ITPKB: variants seen among roughly 807,000 people sequenced by gnomAD.
ITPKB encodes inositol-trisphosphate 3-kinase B.
A neutral mutation model predicts 69.4 loss-of-function variants in ITPKB; 13 were observed. That is an observed-to-expected ratio of 0.19 (90% CI 0.12 to 0.30). The LOEUF is 0.30. Among genes scored for constraint, ITPKB ranks in the 10% least tolerant of loss-of-function variants. The pLI, the probability that ITPKB is intolerant of heterozygous loss-of-function variation, is 1.00. For synonymous variants in ITPKB, 584 were observed against 513.7 expected (o/e 1.14, Z -1.85); for missense variants, 1,240 against 1,250.5 (o/e 0.99, Z 0.13).
chr1:226,667,875 A>G (rs1669536208), intron 2 of ITPKB, among the ~76,000 whole-genome samples: 1 of 135,706 alleles, frequency 7.4e-6, no homozygotes, highest in African/African-American at 2.8e-5. Context: ...TGCGAAGTGG[A>G]GGTTGGTATT....
chr1:226,699,762 G>C (rs771449246), intron 2 of ITPKB, among the ~76,000 whole-genome samples: 19 of 152,102 alleles, frequency 1.2e-4, no homozygotes, highest in Non-Finnish European at 2.5e-4. Context: ...AAGAAAGAAA[G>C]ACAGACAAAC....
intron 2 of ITPKB, among the ~76,000 whole-genome samples, chr1:226,729,954 A>G (rs1266519531): frequency 6.6e-6 from 1 of 152,086 alleles, no homozygotes; most frequent in African/African-American, 2.4e-5. Flanking sequence ...GAGATCATAT[A>G]TATTTATGGT....
Position 226,633,853 on chromosome 1 carries a change from T to C in ITPKB, c.*818A>G, listed in dbSNP as rs1295364017. On this transcript the variant is annotated 3_prime_UTR_variant, in exon 8 of 8. Coordinates refer to ENST00000429204, the MANE Select transcript of ITPKB (RefSeq NM_002221.4). Reference sequence around the variant, plus strand: ...CTGGGGCCAGGGCCCAGAGACTCTATAGATCCCATCTTCCCCTGGTAGCAC... The same window carrying C: ...CTGGGGCCAGGGCCCAGAGACTCTACAGATCCCATCTTCCCCTGGTAGCAC... The C allele has an allele frequency of 1.3e-5, 2 of 152,232 alleles. No homozygotes were observed. Among genetic ancestry groups the C allele is most frequent in the Non-Finnish European group, 2.9e-5 (2 of 68,056 alleles). The allele number at this position is 152,232 out of a possible 1,614,324, so 9.4% of individuals were successfully genotyped here.
At chr1:226,660,128 G>A (rs1243568469) in intron 2 of ITPKB, among the ~76,000 whole-genome samples, 1 of 152,214 alleles carries the variant, frequency 6.6e-6, no homozygotes, top group Non-Finnish European at 1.5e-5. Context: ...CCAGGCCCCA[G>A]GGGTCTTTTT....
intron 2 of ITPKB, among the ~76,000 whole-genome samples, chr1:226,710,793 C>T (rs892523465): frequency 3.9e-5 from 6 of 152,232 alleles, no homozygotes; most frequent in Non-Finnish European, 8.8e-5. Context: ...CTCTATCCCT[C>T]CCTGAACCTT....
rs982202694 is a variant in ITPKB at position 226,637,539 on chromosome 1, C to T, written c.2625+140G>A. 3.6e-5 allele frequency: 24 copies of T among 676,006 alleles called. No individual in the cohort carries two copies. The highest frequency in any genetic ancestry group is 2.5e-4 in the African/African-American group (14 of 56,078). The allele number at this position is 676,006 out of a possible 1,614,324, so 41.9% of individuals were successfully genotyped here. A position where few individuals can be genotyped will look rare whatever the true frequency, so the allele number is the denominator to read the frequency against. ...ATTGAGACGCAGCTCCCCCGTGCAG[C>T]GAGGGTCTGGTCCCTGATGGCCTGC... On this transcript the variant is annotated intron_variant, in intron 7 of 7. Transcript: ENST00000429204. The surrounding 1 kb of genome is among the most constrained non-coding windows in gnomAD (Gnocchi z 4.3).
At chr1:226,643,770 G>T (rs1273207819) in intron 4 of ITPKB, among the ~76,000 whole-genome samples, 1 of 152,240 alleles carries the variant, frequency 6.6e-6, no homozygotes, top group Non-Finnish European at 1.5e-5. Context: ...GTAGCTTTGG[G>T]TTGGGCCCTT....
At chr1:226,715,397 GTATT>G (rs1419377914) in intron 2 of ITPKB, among the ~76,000 whole-genome samples, 2 of 152,252 alleles carry the variant, frequency 1.3e-5, no homozygotes, top group Non-Finnish European at 2.9e-5. Flanking sequence ...TTAATAGAAA[GTATT>G]TATTCTAGTT....
intron 2 of ITPKB, among the ~76,000 whole-genome samples, chr1:226,703,474 G>A (rs1400539096): frequency 6.6e-6 from 1 of 152,206 alleles, no homozygotes; most frequent in African/African-American, 2.4e-5. Context: ...TTTCTTCGCC[G>A]CGGTTTCTTC....
chr1:226,643,102 T>C (rs1462957499), intron 4 of ITPKB, among the ~76,000 whole-genome samples: 5 of 152,150 alleles, frequency 3.3e-5, no homozygotes, highest in Admixed American at 2.0e-4. Flanking sequence ...CCAACTCAAC[T>C]GCCTCACGGC....
At position 226,639,748 on chromosome 1, in the gene ITPKB, G is replaced by A. The variant is rs946819074; in HGVS notation, c.2452-90C>T. The stretch of plus-strand genomic sequence containing the variant: ...ACCCACCCAACACCACAGAGCAGGC[G>A]AGCCCCATCTGAACCTGGGGCAGGG... On this transcript the variant is annotated intron_variant, in intron 5 of 7. Transcript: ENST00000429204. 1.2e-4 allele frequency: 103 copies of A among 863,918 alleles called. No homozygotes were observed. The African/African-American group carries it at 1.4e-3, about 12-fold the overall frequency. The allele number at this position is 863,918 out of a possible 1,614,324, so 53.5% of individuals were successfully genotyped here.
intron 2 of ITPKB, among the ~76,000 whole-genome samples, chr1:226,700,685 CT>C (rs1656616510): frequency 6.6e-6 from 1 of 152,074 alleles, no homozygotes; most frequent in African/African-American, 2.4e-5. Flanking sequence ...ATTGGCCAGG[CT>C]AGGATTGAAA....
chr1:226,693,049 G>A (rs563131131), intron 2 of ITPKB, among the ~76,000 whole-genome samples: 1 of 152,198 alleles, frequency 6.6e-6, no homozygotes, highest in African/African-American at 2.4e-5. Context: ...GCTGCTCAGG[G>A]AGCAAGGCAG....
At chr1:226,658,675 C>A (rs1008936091) in intron 2 of ITPKB, among the ~76,000 whole-genome samples, 4 of 152,214 alleles carry the variant, frequency 2.6e-5, no homozygotes, top group African/African-American at 7.2e-5. Context: ...GATGTTCCCG[C>A]AGGCTGGATG....
intron 2 of ITPKB, among the ~76,000 whole-genome samples, chr1:226,651,257 G>A (rs1421654413): frequency 1.3e-5 from 2 of 152,238 alleles, no homozygotes; most frequent in Non-Finnish European, 2.9e-5. Flanking sequence ...AGGGAGATAG[G>A]TGAGCAGGCG....
At chr1:226,712,140 C>T (rs980217451) in intron 2 of ITPKB, among the ~76,000 whole-genome samples, 43 of 152,142 alleles carry the variant, frequency 2.8e-4, no homozygotes, top group African/African-American at 9.2e-4. Context: ...CTGTGTCTTC[C>T]GGAGACCTCA....
rs941510330 is a variant in ITPKB at position 226,737,348 on chromosome 1, C to T, written c.111G>A (p.Pro37=). The part of the protein sequence containing the change: ...GPSGSETPPP[P]RRAVLSPGSV... ...TGCCGGGGCTCAGCACTGCCCTCCT[C>T]GGGGGCGGGGGCGTCTCGCTGCCAC... The change falls in exon 2 of 8, where the codon CCG becomes CCA. Residue 37 remains proline (P), a synonymous_variant. Coordinates refer to ENST00000429204, the MANE Select transcript of ITPKB (RefSeq NM_002221.4). 4 of 1,603,738 alleles carry T rather than the reference C, an allele frequency of 2.5e-6. No homozygotes were observed. Among genetic ancestry groups the T allele is most frequent in the Non-Finnish European group, 3.4e-6 (4 of 1,178,294 alleles).
At chr1:226,639,054 C>CTTTTTT (rs34561047) in intron 6 of ITPKB, among the ~76,000 whole-genome samples, 1 of 123,790 alleles carries the variant, frequency 8.1e-6, no homozygotes, top group Admixed American at 8.4e-5. Flanking sequence ...GTGCCCTTGA[C>CTTTTTT]TTTTTTTTTT....
At chr1:226,733,408 G>A (rs1280802344) in intron 2 of ITPKB, among the ~76,000 whole-genome samples, 1 of 152,130 alleles carries the variant, frequency 6.6e-6, no homozygotes, top group East Asian at 1.9e-4. Context: ...AGGTAATCAA[G>A]TGATTTTTGA....
Sources: gnomAD v4.1 joint callset for allele counts (sites outside exome capture counted in the v4.1 genomes callset) on GRCh38, gnomAD v4.1.1 for gene constraint, Gnocchi (gnomAD v3.1) non-coding constraint, MANE v1.5 for transcripts, NCBI Gene and HGNC (gene_info 2026-07-23, HGNC 2026-07-21) for gene names.